Variants in ZNF624 observed in about 807,000 individuals in gnomAD.
The protein encoded by ZNF624 is zinc finger protein 624.
ZNF624 carries 43 observed loss-of-function variants against 74.7 expected under a neutral mutation model. That is an observed-to-expected ratio of 0.58 (90% CI 0.45 to 0.74). The LOEUF is 0.74. Among genes scored for constraint, ZNF624 ranks in the 30% least tolerant of loss-of-function variants. The pLI, the probability that ZNF624 is intolerant of heterozygous loss-of-function variation, is 0.00. For synonymous variants in ZNF624, 331 were observed against 341.3 expected (o/e 0.97, Z 0.33); for missense variants, 820 against 1,030.0 (o/e 0.80, Z 2.79).
chr17:16,634,750 C>G lies in ZNF624; in HGVS notation c.160G>C (p.Val54Leu). ...AEETQLVKES[V>L]TFKDVAIDFT... is the part of the protein sequence containing the mutation. Reference sequence around the variant, plus strand: ...TCTATAGCCACATCCTTAAATGTCACCGATTCCTAAAACAATTACATTGTG... The same window carrying G: ...TCTATAGCCACATCCTTAAATGTCAGCGATTCCTAAAACAATTACATTGTG... The change falls in exon 4 of 6, where the codon GTG becomes CTG. Residue 54 changes from valine to leucine, a missense_variant. Physicochemically the swap from Val to Leu is conservative, Grantham distance 32. Transcript: ENST00000311331. The G allele has an allele frequency of 1.9e-6, 3 of 1,611,538 alleles. No homozygotes were observed. Among genetic ancestry groups the G allele is most frequent in the Non-Finnish European group, 2.5e-6 (3 of 1,178,818 alleles).
chr17:16,643,222 C>G (rs1432599066), intron 3 of ZNF624, among the ~76,000 whole-genome samples: 19 of 152,184 alleles, frequency 1.2e-4, no homozygotes, highest in Non-Finnish European at 2.8e-4. Context: ...AAAACGTATA[C>G]ACAAATGTAT....
intron 3 of ZNF624, among the ~76,000 whole-genome samples, chr17:16,639,014 A>G (rs1408080398): frequency 2.0e-5 from 3 of 152,194 alleles, no homozygotes; most frequent in African/African-American, 7.2e-5. Context: ...GCTATTTACA[A>G]ATAAGGAAAG....
Position 16,633,969 on chromosome 17 carries a change from AAAAT to A in ZNF624, c.281-16_281-13del. On this transcript the variant is annotated splice_polypyrimidine_tract_variant and intron_variant, in intron 4 of 5. Transcript: ENST00000311331. ...GGAAACTGCAAGCCCTGTCCAGAGA[AAAAT>A]AAATAGGATTTGATTGGAGCCATGA... The A allele has an allele frequency of 6.2e-7, 1 of 1,608,394 alleles. No homozygotes were observed. Among genetic ancestry groups the A allele is most frequent in the Non-Finnish European group, 8.5e-7 (1 of 1,175,950 alleles).
At chr17:16,625,025 C>T (rs558287540) in intron 5 of ZNF624, among the ~76,000 whole-genome samples, 2 of 134,994 alleles carry the variant, frequency 1.5e-5, no homozygotes, top group Non-Finnish European at 3.0e-5. Flanking sequence ...TGACAGAGCA[C>T]GACTGTCTCA....
Position 16,622,277 on chromosome 17 carries a change from C to T in ZNF624, c.*11G>A. 1 of 1,527,230 alleles carries T rather than the reference C, an allele frequency of 6.5e-7. No individual in the cohort carries two copies. 94.6% of individuals were successfully genotyped at this position (1,527,230 alleles called of 1,614,324 possible). A position where few individuals can be genotyped will look rare whatever the true frequency, so the allele number is the denominator to read the frequency against. On this transcript the variant is annotated 3_prime_UTR_variant, in exon 6 of 6. Coordinates refer to ENST00000311331, the MANE Select transcript of ZNF624 (RefSeq NM_020787.4). ...GTGGAGTTGACATCTAGGTGAATGACTTATTGTTCTTTATATTAACTGAGT... is the reference window on the plus strand; with the variant it reads ...GTGGAGTTGACATCTAGGTGAATGATTTATTGTTCTTTATATTAACTGAGT...
Position 16,624,004 on chromosome 17 carries a change from A to T in ZNF624, c.882T>A (p.His294Gln). Residue 294 changes from histidine (H) to glutamine (Q), a missense_variant, in exon 6 of 6, where the codon CAT becomes CAA. By Grantham distance (24) the His-to-Gln change is conservative. Transcript: ENST00000311331. ...AFHYRSLLIQHQRTHTKEKPY... is the reference protein window; with the variant it reads ...AFHYRSLLIQQQRTHTKEKPY... ...GTTTTTCTTTAGTATGAGTTCTTTG[A>T]TGTTGAATGAGCAATGATCTATAAT... 6.2e-7 allele frequency: 1 copy of T among 1,613,672 alleles called. No homozygotes were observed. Among genetic ancestry groups the T allele is most frequent in the Non-Finnish European group, 8.5e-7 (1 of 1,179,950 alleles).
chr17:16,652,754 G>A (rs149094663), intron 1 of ZNF624, among the ~76,000 whole-genome samples: 12 of 152,290 alleles, frequency 7.9e-5, no homozygotes, highest in Admixed American at 7.2e-4. Context: ...ACAAGAAGAA[G>A]TATCTACCTA....
intron 5 of ZNF624, among the ~76,000 whole-genome samples, chr17:16,633,350 G>T (rs1416693655): frequency 2.0e-5 from 3 of 152,096 alleles, no homozygotes; most frequent in Non-Finnish European, 4.4e-5. Flanking sequence ...CTGCTTCCTT[G>T]TTTGTATTAG....
chr17:16,633,840 T>C, intron 5 of ZNF624, 22 bp downstream of exon 5: 1 of 1,571,228 alleles, frequency 6.4e-7, no homozygotes, highest in South Asian at 1.1e-5. Flanking sequence ...AAATCCCATC[T>C]TCTTGGTTCT....
chr17:16,637,186 G>C (rs939220848), intron 3 of ZNF624, among the ~76,000 whole-genome samples: 1 of 152,156 alleles, frequency 6.6e-6, no homozygotes, highest in Non-Finnish European at 1.5e-5. Context: ...ACCTCTTCAA[G>C]GAGAACTACA....
chr17:16,627,003 C>T (rs776247896), intron 5 of ZNF624, among the ~76,000 whole-genome samples: 1 of 151,634 alleles, frequency 6.6e-6, no homozygotes, highest in Non-Finnish European at 1.5e-5. Flanking sequence ...TGCAGTGAGC[C>T]GAGATCACGC....
At chr17:16,617,746 G>A, downstream of ZNF624, 2 of 1,601,782 alleles carry the variant, frequency 1.2e-6, no homozygotes, top group Non-Finnish European at 8.5e-7. Flanking sequence ...TCGGTGTCGC[G>A]GGAGTCCTCG....
At chr17:16,631,329 A>G (rs1182178974) in intron 5 of ZNF624, 1 of 152,226 alleles carries the variant, frequency 6.6e-6, no homozygotes, top group Admixed American at 6.5e-5. Context: ...AGGTTAGAAA[A>G]GATCCACAAA....
chr17:16,651,557 CGGTACAGT>C (rs2142669472), intron 1 of ZNF624, among the ~76,000 whole-genome samples: 1 of 151,904 alleles, frequency 6.6e-6, no homozygotes, highest in Non-Finnish European at 1.5e-5. Context: ...GGGAGGAAAG[CGGTACAGT>C]GTGGAGATAA....
At position 16,649,673 on chromosome 17, in the gene ZNF624, GA is replaced by G; in HGVS notation, c.71del (p.Phe24SerfsTer6). 2 of 1,614,050 alleles carry G rather than the reference GA, an allele frequency of 1.2e-6. No individual in the cohort carries two copies. Among genetic ancestry groups the G allele is most frequent in the Non-Finnish European group, 1.7e-6 (2 of 1,179,960 alleles). ...CCCAACTTACCAGGCGTCCAACTGA[GA>G]AAAACACAGCAGCCATAATCTCTCC... The part of the protein sequence containing the change: ...PEGEIMAAVF[F>X]SVGRLSPEVT... On this transcript the variant is annotated frameshift_variant, in exon 2 of 6. Coordinates refer to ENST00000311331, the MANE Select transcript of ZNF624 (RefSeq NM_020787.4). LOFTEE classifies it high-confidence loss of function.
chr17:16,639,477 A>G lies in ZNF624; in HGVS notation c.154-4721T>C, dbSNP rs146849920. 6.3e-3 allele frequency among the ~76,000 whole-genome samples: 954 copies of G among 152,156 alleles called. 14 individuals carry two copies. Among genetic ancestry groups the G allele is most frequent in the African/African-American group, 0.022 (895 of 41,496 alleles). On this transcript the variant is annotated intron_variant, in intron 3 of 5. Transcript: ENST00000311331. ...CTGGGTTTTGTTTTCTTTCTTCACC[A>G]AGAACTCAGCCCCAGGAAAAAATCT...
downstream of ZNF624, among the ~76,000 whole-genome samples, chr17:16,618,604 A>G (rs1908838194): frequency 6.6e-6 from 1 of 152,166 alleles, no homozygotes; most frequent in Admixed American, 6.5e-5. Flanking sequence ...CTTGAGCACA[A>G]GTTTTAACTG....
intron 1 of ZNF624, among the ~76,000 whole-genome samples, chr17:16,651,359 G>A (rs1418482099): frequency 6.6e-6 from 1 of 151,710 alleles, no homozygotes; most frequent in Non-Finnish European, 1.5e-5. Context: ...GAACTTGGGA[G>A]GTGGAGGTTG....
Position 16,622,635 on chromosome 17 carries a change from G to T in ZNF624, c.2251C>A (p.Pro751Thr). 1 of 1,614,018 alleles carries T rather than the reference G, an allele frequency of 6.2e-7. No individual in the cohort carries two copies. The highest frequency in any genetic ancestry group is 1.3e-5 in the African/African-American group (1 of 75,022). ...EHQKIHSGEK[P>T]YKCDVCGKAF... ...TTTCCACAGACATCACACTTATAGG[G>T]CTTCTCTCCACTATGGATTTTCTGA... Residue 751 changes from proline to threonine, a missense_variant, in exon 6 of 6, where the codon CCC becomes ACC. Coordinates refer to ENST00000311331, the MANE Select transcript of ZNF624 (RefSeq NM_020787.4).
Sources: gnomAD v4.1 joint callset for allele counts (sites outside exome capture counted in the v4.1 genomes callset) on GRCh38, gnomAD v4.1.1 for gene constraint, MANE v1.5 for transcripts, NCBI Gene and HGNC (gene_info 2026-07-23, HGNC 2026-07-21) for gene names.